The following SPAG17 variants were observed in gnomAD, a reference collection of about 807,000 sequenced individuals.
SPAG17 encodes the protein sperm associated antigen 17, also known as sperm-associated antigen 17.
A neutral mutation model predicts 273.6 loss-of-function variants in SPAG17; 169 were observed. The observed-to-expected ratio is 0.62, with a 90% confidence interval of 0.55 to 0.70. The LOEUF is 0.70. Among genes scored for constraint, SPAG17 ranks in the 30% least tolerant of loss-of-function variants. The pLI is 0.00. For missense variants in SPAG17, 2,557 were observed against 2,627.8 expected (o/e 0.97, Z 0.59); for synonymous variants, 825 against 873.2 (o/e 0.94, Z 0.97).
At position 118,008,075 on chromosome 1, in the gene SPAG17, G is replaced by T; in HGVS notation, c.4556C>A (p.Thr1519Asn). ...SCCATFGDGT[T>N]IIAKPQGTYQ... ...TGTTCCCTGTGGCTTTGCAATAATA[G>T]TTGTTCCATCTCCAAAGGTGGCACA... Residue 1519 changes from threonine (T) to asparagine (N), a missense_variant, in exon 31 of 49, where the codon ACT becomes AAT. Coordinates refer to ENST00000336338, the MANE Select transcript of SPAG17 (RefSeq NM_206996.4). 1 of 1,613,988 alleles carries T rather than the reference G, an allele frequency of 6.2e-7. No individual in the cohort carries two copies. The highest frequency in any genetic ancestry group is 8.5e-7 in the Non-Finnish European group (1 of 1,179,944).
chr1:117,991,342 T>TA (rs1297938247), intron 37 of SPAG17, 73 bp downstream of exon 37: 1 of 890,552 alleles, frequency 1.1e-6, no homozygotes, highest in Non-Finnish European at 1.7e-6. Context: ...AGCTATTTCT[T>TA]ACGATATTTT....
At chr1:118,162,727 G>A (rs946021496) in intron 1 of SPAG17, among the ~76,000 whole-genome samples, 11 of 151,888 alleles carry the variant, frequency 7.2e-5, no homozygotes, top group Admixed American at 1.3e-4. Flanking sequence ...AGCCCAAATT[G>A]TTTCATATTG....
intron 17 of SPAG17, among the ~76,000 whole-genome samples, chr1:118,069,718 A>T (rs1653382310): frequency 6.6e-6 from 1 of 152,146 alleles, no homozygotes; most frequent in South Asian, 2.1e-4. Context: ...ATCATCAAAG[A>T]AGGGTGTTTA....
At chr1:118,143,990 T>A (rs913081782) in intron 3 of SPAG17, among the ~76,000 whole-genome samples, 47 of 152,276 alleles carry the variant, frequency 3.1e-4, no homozygotes, top group African/African-American at 1.1e-3. Flanking sequence ...CTCCACTGCA[T>A]CACCACCACA....
At chr1:118,061,262 T>C (rs1179354001) in intron 18 of SPAG17, among the ~76,000 whole-genome samples, 1 of 152,180 alleles carries the variant, frequency 6.6e-6, no homozygotes, top group African/African-American at 2.4e-5. Context: ...CCCATCTTCA[T>C]TGCAATGTTT....
At chr1:117,981,179 C>T in intron 43 of SPAG17, 91 bp downstream of exon 43, 2 of 1,386,526 alleles carry the variant, frequency 1.4e-6, no homozygotes, top group Non-Finnish European at 1.9e-6. Context: ...TTCTGTAACT[C>T]TCAACCTCGC....
chr1:118,051,843 CTATA>C (rs1369040912), intron 20 of SPAG17, among the ~76,000 whole-genome samples: 1 of 127,726 alleles, frequency 7.8e-6, no homozygotes, highest in Admixed American at 8.0e-5. Context: ...AATATATAAA[CTATA>C]TATAATATAT....
At chr1:118,120,846 T>TCAA (rs1246650180) in intron 3 of SPAG17, among the ~76,000 whole-genome samples, 46 of 152,330 alleles carry the variant, frequency 3.0e-4, no homozygotes, top group Middle Eastern at 3.4e-3. Context: ...ATATTTAACT[T>TCAA]GGTAGCTCAC....
In SPAG17 at chr1:118,185,192, G is replaced by C. The variant is rs1367425691; in HGVS notation, c.-35C>G. 2 of 1,559,772 alleles carry C rather than the reference G, an allele frequency of 1.3e-6. No individual in the cohort carries two copies. Among genetic ancestry groups the C allele is most frequent in the Middle Eastern group, 1.7e-4 (1 of 5,934 alleles). On this transcript the variant is annotated 5_prime_UTR_variant, in exon 1 of 49. Transcript: ENST00000336338. ...GGGAGAAGCATTGGCCTCTAAACTG[G>C]GCGCAGGCCCTGCCTAAGCGTCCCC...
intron 24 of SPAG17, among the ~76,000 whole-genome samples, chr1:118,036,086 C>A (rs1174081040): frequency 6.6e-6 from 1 of 151,988 alleles, no homozygotes; most frequent in East Asian, 1.9e-4. Flanking sequence ...TACTCAGGAG[C>A]CTGAGGTGGG....
intron 3 of SPAG17, among the ~76,000 whole-genome samples, chr1:118,117,415 G>A (rs1657153184): frequency 6.6e-6 from 1 of 152,176 alleles, no homozygotes. Context: ...GTATTAAAAT[G>A]TATTCAAAGC....
At chr1:117,968,415 A>AT (rs1654149956) in intron 46 of SPAG17, among the ~76,000 whole-genome samples, 1 of 152,092 alleles carries the variant, frequency 6.6e-6, no homozygotes, top group South Asian at 2.1e-4. Context: ...GCTTGTTTTG[A>AT]TTTTTGTCTT....
At chr1:117,999,988 A>C (rs1411207055) in intron 32 of SPAG17, among the ~76,000 whole-genome samples, 1 of 152,072 alleles carries the variant, frequency 6.6e-6, no homozygotes, top group Non-Finnish European at 1.5e-5. Flanking sequence ...TCCATCTTGA[A>C]TTAATTTTTG....
chr1:118,089,266 G>C (rs934323950), intron 10 of SPAG17, among the ~76,000 whole-genome samples: 3 of 151,420 alleles, frequency 2.0e-5, no homozygotes, highest in African/African-American at 7.3e-5. Flanking sequence ...AGAGAAGGTA[G>C]AGTAAAAGGT....
At chr1:118,110,536 C>A (rs1313385655) in intron 4 of SPAG17, among the ~76,000 whole-genome samples, 1 of 152,098 alleles carries the variant, frequency 6.6e-6, no homozygotes, top group Non-Finnish European at 1.5e-5. Flanking sequence ...TCTGGATGTC[C>A]AGTTTTAAGA....
chr1:118,015,630 C>G (rs1436545183), intron 29 of SPAG17, among the ~76,000 whole-genome samples: 1 of 152,108 alleles, frequency 6.6e-6, no homozygotes, highest in Non-Finnish European at 1.5e-5. Context: ...CATAAGGAAG[C>G]ACACGACGAC....
At chr1:118,084,991 T>G (rs1304028340) in intron 13 of SPAG17, among the ~76,000 whole-genome samples, 1 of 152,216 alleles carries the variant, frequency 6.6e-6, no homozygotes, top group African/African-American at 2.4e-5. Flanking sequence ...TTATAAATAG[T>G]GTGCTCAGAA....
intron 3 of SPAG17, among the ~76,000 whole-genome samples, chr1:118,119,985 G>C (rs1254507019): frequency 6.6e-6 from 1 of 152,146 alleles, no homozygotes; most frequent in East Asian, 1.9e-4. Context: ...GTGGGTGTTT[G>C]CTCATTTATT....
intron 43 of SPAG17, among the ~76,000 whole-genome samples, chr1:117,979,716 C>T (rs1429872408): frequency 6.6e-6 from 1 of 152,170 alleles, no homozygotes; most frequent in Non-Finnish European, 1.5e-5. Flanking sequence ...TTTACTTTTT[C>T]CTTTGCTCAA....
Sources: allele counts gnomAD v4.1 joint callset (sites outside exome capture counted in the v4.1 genomes callset), GRCh38; gene constraint gnomAD v4.1.1; transcripts MANE v1.5; gene names NCBI Gene and HGNC (gene_info 2026-07-23, HGNC 2026-07-21).